MAP3K5: variants seen among roughly 807,000 people sequenced by gnomAD.
MAP3K5 encodes the protein ASK-1.
In MAP3K5, 56 loss-of-function variants were observed where a neutral mutation model predicts 158.7. The observed-to-expected ratio is 0.35, with a 90% CI of 0.28 to 0.44. The LOEUF (loss-of-function observed/expected upper bound fraction) is 0.44, where lower values mean the gene tolerates loss of function less well. Ranked by LOEUF, MAP3K5 falls within the 20% of genes least tolerant of loss-of-function variation. The pLI, the probability that MAP3K5 is intolerant of heterozygous loss-of-function variation, is 1.00. For synonymous variants in MAP3K5, 579 were observed against 601.7 expected (o/e 0.96, Z 0.55); for missense variants, 1,294 against 1,674.8 (o/e 0.77, Z 3.97).
intron 5 of MAP3K5, 40 bp downstream of exon 5, chr6:136,697,179 A>G: frequency 2.5e-6 from 4 of 1,577,276 alleles, no homozygotes; most frequent in Non-Finnish European, 3.5e-6. Context: ...TCCCTCCAAC[A>G]TGCTACACAA....
intron 8 of MAP3K5, 21 bp downstream of exon 8, chr6:136,669,262 A>T: frequency 6.6e-7 from 1 of 1,507,840 alleles, no homozygotes. Flanking sequence ...ATTTCCATGT[A>T]AAATATCAAG....
intron 9 of MAP3K5, among the ~76,000 whole-genome samples, chr6:136,656,907 C>T (rs1437764115): frequency 1.3e-5 from 2 of 152,212 alleles, no homozygotes; most frequent in Non-Finnish European, 2.9e-5. Context: ...CAGGTGTGAG[C>T]CACCACGCCC....
intron 1 of MAP3K5, among the ~76,000 whole-genome samples, chr6:136,760,306 GC>G (rs1410194530): frequency 2.6e-5 from 4 of 151,894 alleles, no homozygotes; most frequent in African/African-American, 9.7e-5. Flanking sequence ...CAAACATAAG[GC>G]CATTTAGTAC....
intron 7 of MAP3K5, among the ~76,000 whole-genome samples, chr6:136,690,658 T>A (rs1046011449): frequency 6.6e-6 from 1 of 152,236 alleles, no homozygotes; most frequent in Non-Finnish European, 1.5e-5. Context: ...ATGCATTTTT[T>A]AATCTCTTTT....
At position 136,761,305 on chromosome 6, in the gene MAP3K5, A is replaced by C. The variant is rs566268465; in HGVS notation, c.448+30405T>G. 3.1e-3 allele frequency among the ~76,000 whole-genome samples: 467 copies of C among 151,630 alleles called. 4 individuals carry two copies. The highest frequency in any genetic ancestry group is 0.011 in the African/African-American group (447 of 41,276). ...CCTAACTTTAAAAAAAAAAAAAAAA[A>C]AACGAACAGTCAGCCAGGAGGCTGG... is the stretch of plus-strand genomic sequence containing the variant. On this transcript the variant is annotated intron_variant, in intron 1 of 29. Transcript: ENST00000359015.
chr6:136,651,410 A>G (rs567530884), intron 10 of MAP3K5, among the ~76,000 whole-genome samples: 1 of 152,336 alleles, frequency 6.6e-6, no homozygotes, highest in South Asian at 2.1e-4. Context: ...AAAATCTTCT[A>G]TTTTATCATG....
At chr6:136,699,986 C>T (rs7750504) in intron 3 of MAP3K5, among the ~76,000 whole-genome samples, 13,387 of 152,000 alleles carry the variant, frequency 0.088, 2,017 homozygotes, top group African/African-American at 0.3. Flanking sequence ...CCCAGCTACT[C>T]AGGAGGCTGA....
intron 1 of MAP3K5, among the ~76,000 whole-genome samples, chr6:136,748,589 G>A (rs1010657197): frequency 2.6e-5 from 4 of 152,144 alleles, no homozygotes; most frequent in African/African-American, 7.2e-5. Context: ...TAAAACCTGA[G>A]AAAATATACA....
In MAP3K5 at chr6:136,656,330, C is replaced by T. The variant is rs139583838; in HGVS notation, c.1657G>A (p.Asp553Asn). The T allele has an allele frequency of 2.5e-6, 4 of 1,613,904 alleles. No individual in the cohort carries two copies. In the African/African-American group the frequency reaches 5.3e-5, roughly 22 times the overall value. The change falls in exon 10 of 30, where the codon GAT (aspartate) becomes AAT (asparagine). Residue 553 changes from aspartate to asparagine, a missense_variant. Physicochemically the swap from Asp to Asn is conservative, Grantham distance 23. This residue lies in a region of MAP3K5 where 690 missense variants were observed against 870.5 expected (regional missense o/e 0.79). Transcript: ENST00000359015. Reference protein sequence around the residue: ...MDFLVEATKTDVTVVRFPVLI... With the variant: ...MDFLVEATKTNVTVVRFPVLI... ...ACTGGAAACCTAACCACAGTAACAT[C>T]TGTCTTTGTGGCCTCGACCAGGAAA...
intron 20 of MAP3K5, 97 bp from the exon 21 acceptor site, chr6:136,601,139 A>T: frequency 8.7e-7 from 1 of 1,143,686 alleles, no homozygotes. Flanking sequence ...AATGGGGTCA[A>T]TGTCCTTTCC....
chr6:136,676,492 G>A (rs1025927238), intron 7 of MAP3K5, among the ~76,000 whole-genome samples: 7 of 152,054 alleles, frequency 4.6e-5, no homozygotes, highest in East Asian at 3.9e-4. Flanking sequence ...TGGAGTTCAC[G>A]ACTTCAATAA....
upstream of MAP3K5, chr6:136,792,503 A>T (rs1785128210): frequency 4.5e-6 from 2 of 443,574 alleles, no homozygotes. This position sits in a 1 kb window ranked among gnomAD's most constrained non-coding sequence, Gnocchi z 5.7. Context: ...GGTGCAGCTC[A>T]AGGGCGCCGC....
At chr6:136,638,713 A>G (rs958728251) in intron 13 of MAP3K5, among the ~76,000 whole-genome samples, 3 of 148,288 alleles carry the variant, frequency 2.0e-5, no homozygotes, top group African/African-American at 7.4e-5. Flanking sequence ...TGAGCCAAGA[A>G]TTGTGGATTC....
In MAP3K5 at chr6:136,712,556, C is replaced by A. The variant is rs1781352572; in HGVS notation, c.589-7423G>T. On this transcript the variant is annotated intron_variant, in intron 2 of 29. Transcript: ENST00000359015. ...TTTAACCAGTTGTTTCTTTCAGCAA[C>A]ACCTAATTGGGTCACATTATTCAAG... is the stretch of plus-strand genomic sequence containing the variant. Among the ~76,000 whole-genome samples the A allele has an allele frequency of 2.0e-5, 3 of 152,282 alleles. No homozygotes were observed. In the South Asian group the frequency reaches 6.2e-4, roughly 32 times the overall value.
At chr6:136,711,206 A>C (rs908296565) in intron 2 of MAP3K5, among the ~76,000 whole-genome samples, 1 of 152,116 alleles carries the variant, frequency 6.6e-6, no homozygotes. Context: ...TAAAAAAAAA[A>C]CCTAGAAAAT....
At chr6:136,576,170 C>A (rs192087628) in intron 25 of MAP3K5, among the ~76,000 whole-genome samples, 1 of 151,952 alleles carries the variant, frequency 6.6e-6, no homozygotes, top group South Asian at 2.1e-4. Flanking sequence ...AATCTATAAT[C>A]CAATATGATC....
At chr6:136,623,081 G>T in intron 14 of MAP3K5, 100 bp from the exon 15 acceptor site, 3 of 1,110,786 alleles carry the variant, frequency 2.7e-6, no homozygotes, top group African/African-American at 3.1e-5. Flanking sequence ...TATCTTATCA[G>T]ATGGCATTAA....
upstream of MAP3K5, chr6:136,792,531 C>A: frequency 4.7e-6 from 1 of 212,158 alleles, no homozygotes; most frequent in Non-Finnish European, 7.2e-6. The surrounding 1 kb of genome is among the most constrained non-coding windows in gnomAD (Gnocchi z 5.7). Flanking sequence ...GTGCAGCCCG[C>A]CCTCGCCACC....
intron 9 of MAP3K5, among the ~76,000 whole-genome samples, chr6:136,657,210 C>G (rs1778791999): frequency 1.3e-5 from 2 of 152,084 alleles, no homozygotes; most frequent in Non-Finnish European, 2.9e-5. Flanking sequence ...TACAAATACC[C>G]TCAAACCTAA....
Sources: gnomAD v4.1 joint callset for allele counts (sites outside exome capture counted in the v4.1 genomes callset) on GRCh38, gnomAD v4.1.1 for gene constraint, gnomAD v4.1.1 regional missense constraint, Gnocchi (gnomAD v3.1) non-coding constraint, MANE v1.5 for transcripts, NCBI Gene and HGNC (gene_info 2026-07-23, HGNC 2026-07-21) for gene names.